Variants in TAS2R1 observed in about 807,000 individuals in gnomAD.
The protein encoded by TAS2R1 is taste receptor type 2 member 1.
For synonymous variants in TAS2R1, 141 were observed against 134.2 expected, an observed-to-expected ratio of 1.05 and a Z score of -0.35; for missense variants, 370 against 353.4, an observed-to-expected ratio of 1.05 and a Z score of -0.38.
At chr5:9,738,070 C>T in the TAS2R1 span, among the ~76,000 whole-genome samples, 3 of 152,186 alleles carry the variant, frequency 2.0e-5, no homozygotes, top group South Asian at 2.1e-4. Context: ...TCATACTTGT[C>T]GTTAAAAGAA....
intron 1 of TAS2R1, among the ~76,000 whole-genome samples, chr5:9,689,092 G>A (rs1741185006): frequency 6.6e-6 from 1 of 152,112 alleles, no homozygotes; most frequent in African/African-American, 2.4e-5. Context: ...CACTCTCAAT[G>A]GAGGACCTCG....
the TAS2R1 span, among the ~76,000 whole-genome samples, chr5:9,859,740 GTCAACAAACATGCT>G: frequency 6.6e-6 from 1 of 152,112 alleles, no homozygotes; most frequent in Non-Finnish European, 1.5e-5. Flanking sequence ...TCCAGCTATC[GTCAACAAACATGCT>G]TCAACAACAG....
At chr5:9,756,360 T>C in the TAS2R1 span, among the ~76,000 whole-genome samples, 2 of 152,212 alleles carry the variant, frequency 1.3e-5, no homozygotes, top group African/African-American at 2.4e-5. Flanking sequence ...ACAATTCCCA[T>C]TAGAGTATAG....
the TAS2R1 span, among the ~76,000 whole-genome samples, chr5:9,821,064 G>C: frequency 5.9e-5 from 9 of 152,168 alleles, no homozygotes; most frequent in Non-Finnish European, 1.2e-4. Context: ...GGTGGAGAGG[G>C]AGAAAGAGAG....
the TAS2R1 span, among the ~76,000 whole-genome samples, chr5:9,840,857 ATTTTTTTTTTTTTTTTTTTTTTTTTT>A: frequency 8.2e-3 from 1,079 of 132,094 alleles, 9 homozygotes; most frequent in Middle Eastern, 0.024. Context: ...TTATTTATTT[ATTTTTTTTTTTTTTTTTTTTTTTTTT>A]TTTTTTTTTT....
the TAS2R1 span, among the ~76,000 whole-genome samples, chr5:9,874,794 C>T: frequency 6.6e-6 from 1 of 152,108 alleles, no homozygotes; most frequent in Non-Finnish European, 1.5e-5. Context: ...CCATCTTTTT[C>T]CTTTTCTCAG....
the TAS2R1 span, among the ~76,000 whole-genome samples, chr5:9,840,445 G>C: frequency 6.6e-6 from 1 of 151,880 alleles, no homozygotes; most frequent in Non-Finnish European, 1.5e-5. Context: ...ATTATCTTTT[G>C]GTGGTGACTA....
the TAS2R1 span, among the ~76,000 whole-genome samples, chr5:9,898,748 A>G: frequency 6.6e-6 from 1 of 152,210 alleles, no homozygotes; most frequent in Admixed American, 6.5e-5. Flanking sequence ...GCAATACTCT[A>G]AAGGAGAACA....
At chr5:9,860,986 C>CA in the TAS2R1 span, among the ~76,000 whole-genome samples, 1 of 142,654 alleles carries the variant, frequency 7.0e-6, no homozygotes, top group Non-Finnish European at 1.5e-5. Context: ...TTGCTCACTC[C>CA]ATAGCATAGA....
the TAS2R1 span, among the ~76,000 whole-genome samples, chr5:9,790,185 C>A: frequency 2.0e-5 from 3 of 152,126 alleles, no homozygotes; most frequent in Non-Finnish European, 4.4e-5. Flanking sequence ...TACCATTAAG[C>A]CTTCGATGGT....
chr5:9,686,996 C>T (rs1741137808), intron 1 of TAS2R1, among the ~76,000 whole-genome samples: 1 of 151,928 alleles, frequency 6.6e-6, no homozygotes, highest in Non-Finnish European at 1.5e-5. Context: ...TGGAGTTTTG[C>T]TTTTGTTGCC....
chr5:9,866,204 A>C, the TAS2R1 span, among the ~76,000 whole-genome samples: 4 of 151,918 alleles, frequency 2.6e-5, no homozygotes, highest in Non-Finnish European at 5.9e-5. Flanking sequence ...AATTTCATTT[A>C]TTTTTATTTT....
the TAS2R1 span, among the ~76,000 whole-genome samples, chr5:9,804,332 T>A: frequency 1.2e-3 from 185 of 152,176 alleles, no homozygotes; most frequent in African/African-American, 4.3e-3. Flanking sequence ...ACCAGATGGG[T>A]CATCAAGACA....
At chr5:9,635,655 T>C (rs1739950128) in intron 2 of TAS2R1, among the ~76,000 whole-genome samples, 1 of 152,058 alleles carries the variant, frequency 6.6e-6, no homozygotes, top group South Asian at 2.1e-4. Flanking sequence ...CAGTTTCTAT[T>C]TCTTCCTGAC....
chr5:9,848,127 C>T, the TAS2R1 span, among the ~76,000 whole-genome samples: 8 of 152,220 alleles, frequency 5.3e-5, no homozygotes, highest in Non-Finnish European at 7.3e-5. Context: ...AATTAGTATT[C>T]ACTGATCAAG....
the TAS2R1 span, among the ~76,000 whole-genome samples, chr5:9,898,530 C>T: frequency 6.6e-6 from 1 of 152,200 alleles, no homozygotes; most frequent in Non-Finnish European, 1.5e-5. Flanking sequence ...CCAGATGGCA[C>T]ATCACCATGA....
At chr5:9,889,060 C>T in the TAS2R1 span, among the ~76,000 whole-genome samples, 1 of 152,288 alleles carries the variant, frequency 6.6e-6, no homozygotes, top group East Asian at 1.9e-4. Flanking sequence ...ATGAGAGCAA[C>T]CATTCTCAGA....
the TAS2R1 span, among the ~76,000 whole-genome samples, chr5:9,745,153 TG>T: frequency 6.6e-6 from 1 of 152,152 alleles, no homozygotes; most frequent in Non-Finnish European, 1.5e-5. Context: ...CCTGGCCTCA[TG>T]GCAGTGGGGC....
chr5:9,901,394 T>C, the TAS2R1 span, among the ~76,000 whole-genome samples: 4 of 152,034 alleles, frequency 2.6e-5, no homozygotes, highest in Non-Finnish European at 5.9e-5. Flanking sequence ...AAAGAGGGCA[T>C]GGCCAAAAGT....
Sources: gnomAD v4.1 joint callset for allele counts (sites outside exome capture counted in the v4.1 genomes callset) on GRCh38, gnomAD v4.1.1 for gene constraint, MANE v1.5 for transcripts, NCBI Gene and HGNC (gene_info 2026-07-23, HGNC 2026-07-21) for gene names.